Variants in MYO9A observed in about 807,000 individuals in gnomAD.
The protein encoded by MYO9A is myosin IXA.
Under a neutral mutation model 293.3 loss-of-function variants are expected in MYO9A, and 103 were observed. The ratio of observed to expected loss-of-function variants is 0.35; its 90% CI spans 0.30 to 0.41. The LOEUF is 0.41. Among genes scored for constraint, MYO9A ranks in the 10% least tolerant of loss-of-function variants. The pLI is 1.00. For synonymous variants in MYO9A, 1,001 were observed against 1,035.7 expected, an observed-to-expected ratio of 0.97 and a Z score of 0.64; for missense variants, 2,685 against 3,033.0, an observed-to-expected ratio of 0.89 and a Z score of 2.69.
intron 9 of MYO9A, 145 bp downstream of exon 9, chr15:71,999,706 C>T: frequency 1.9e-6 from 1 of 540,126 alleles, no homozygotes; most frequent in South Asian, 3.1e-5. Context: ...GGAAAATTCA[C>T]AATCAAATGT....
At chr15:72,069,170 C>G (rs149030575) in intron 1 of MYO9A, among the ~76,000 whole-genome samples, 197 of 152,216 alleles carry the variant, frequency 1.3e-3, no homozygotes, top group South Asian at 3.5e-3. Flanking sequence ...TAGCAAAGAC[C>G]AAGACTTCTA....
intron 1 of MYO9A, among the ~76,000 whole-genome samples, chr15:72,105,009 T>A (rs1283857155): frequency 6.6e-6 from 1 of 152,006 alleles, no homozygotes; most frequent in African/African-American, 2.4e-5. Context: ...AACAGTGAAA[T>A]AAAGCAGGAA....
chr15:71,934,601 CT>C lies in MYO9A; in HGVS notation c.2522+739del, dbSNP rs775166166. Among the ~76,000 whole-genome samples the C allele has an allele frequency of 7.3e-3, 1,047 of 142,836 alleles. 6 individuals are homozygous for C. The highest frequency in any genetic ancestry group is 0.011 in the Middle Eastern group (3 of 274). The allele number at this position is 142,836 out of a possible 152,430, so 93.7% of individuals were successfully genotyped here. On this transcript the variant is annotated intron_variant, in intron 17 of 41. Coordinates refer to ENST00000356056, the MANE Select transcript of MYO9A (RefSeq NM_006901.4). ...TGCTAATAACTAATAACTTTTTTTCCTTTTTTTTTTTTTCTCAGAGACAGGA... is the reference window on the plus strand; with the variant it reads ...TGCTAATAACTAATAACTTTTTTTCCTTTTTTTTTTTTCTCAGAGACAGGA...
At chr15:71,900,137 T>TA in intron 23 of MYO9A, 131 bp from the exon 24 acceptor site, 1 of 996,392 alleles carries the variant, frequency 1.0e-6, no homozygotes, top group South Asian at 1.8e-5. Flanking sequence ...TCTTGGTGAT[T>TA]AAAAATAAGT....
intron 19 of MYO9A, among the ~76,000 whole-genome samples, chr15:71,906,036 A>T (rs2057627251): frequency 6.6e-6 from 1 of 152,144 alleles, no homozygotes; most frequent in Non-Finnish European, 1.5e-5. Context: ...TGCATTGCAC[A>T]AATTTTGATA....
intron 19 of MYO9A, among the ~76,000 whole-genome samples, chr15:71,907,856 A>G (rs1228017475): frequency 2.6e-5 from 4 of 152,182 alleles, no homozygotes; most frequent in Admixed American, 2.0e-4. Flanking sequence ...CCTTTGTCAG[A>G]TGAGTAGATT....
At chr15:72,008,496 GTGTGTGTGTA>G (rs1355855547) in intron 7 of MYO9A, among the ~76,000 whole-genome samples, 5 of 150,550 alleles carry the variant, frequency 3.3e-5, no homozygotes, top group Non-Finnish European at 7.4e-5. Context: ...ATGGGTGTGT[GTGTGTGTGTA>G]TGTGTGTGTG....
intron 1 of MYO9A, among the ~76,000 whole-genome samples, chr15:72,112,159 TAAGA>T (rs2080801410): frequency 6.6e-6 from 1 of 152,110 alleles, no homozygotes; most frequent in Non-Finnish European, 1.5e-5. Context: ...TCTTACAGTT[TAAGA>T]AAAATCAAAA....
At position 71,827,051 on chromosome 15, in the gene MYO9A, A is replaced by T; in HGVS notation, c.7184-8T>A. On this transcript the variant is annotated splice_polypyrimidine_tract_variant and splice_region_variant and intron_variant, in intron 41 of 41. Transcript: ENST00000356056. ...TAAGGGCTAAGCTTCTTTCTAATGC[A>T]AAAAAGAGACCAAAGATGTAAATGA... 1 of 1,541,700 alleles carries T rather than the reference A, an allele frequency of 6.5e-7. No homozygotes were observed. The highest frequency in any genetic ancestry group is 8.7e-7 in the Non-Finnish European group (1 of 1,149,260).
intron 12 of MYO9A, among the ~76,000 whole-genome samples, chr15:71,975,121 TGCAAAC>T (rs2076104614): frequency 6.6e-6 from 1 of 152,214 alleles, no homozygotes; most frequent in African/African-American, 2.4e-5. Flanking sequence ...AAAGGAAGCC[TGCAAAC>T]TTGAGTGGTC....
intron 11 of MYO9A, among the ~76,000 whole-genome samples, chr15:71,983,578 C>T (rs2076336239): frequency 6.7e-6 from 1 of 148,950 alleles, no homozygotes; most frequent in African/African-American, 2.5e-5. Flanking sequence ...CCCTTCCCAG[C>T]TACAAGCAAT....
At chr15:71,984,572 C>T (rs973414095) in intron 11 of MYO9A, among the ~76,000 whole-genome samples, 4 of 152,134 alleles carry the variant, frequency 2.6e-5, no homozygotes, top group African/African-American at 9.7e-5. Flanking sequence ...TCCAAAATTC[C>T]TATGGCACAT....
chr15:71,940,319 AC>A (rs2146089590), intron 15 of MYO9A, among the ~76,000 whole-genome samples: 1 of 152,162 alleles, frequency 6.6e-6, no homozygotes, highest in African/African-American at 2.4e-5. Context: ...ACATGCTGAA[AC>A]CCCACCTCTA....
chr15:71,956,330 A>AAAAAAAATATATATATATATATAT (rs10642655), intron 14 of MYO9A, among the ~76,000 whole-genome samples: 2 of 75,574 alleles, frequency 2.6e-5, no homozygotes, highest in African/African-American at 1.2e-4. Flanking sequence ...AAAAAAAAAA[A>AAAAAAAATATATATATATATATAT]ATATATATAT....
Position 71,897,530 on chromosome 15 carries a change from T to C in MYO9A, c.4973A>G (p.Asp1658Gly). Residue 1658 changes from aspartate to glycine, a missense_variant, in exon 25 of 42, where the codon GAT (aspartate) becomes GGT (glycine). Asp to Gly is a moderately conservative substitution (Grantham distance 94). Coordinates refer to ENST00000356056, the MANE Select transcript of MYO9A (RefSeq NM_006901.4). Reference sequence around the variant, plus strand: ...AGCATTTCCCTCTCTGGAAAGGTCATCAGAATTGTGGCTGTAAGACTGAGT... The same window carrying C: ...AGCATTTCCCTCTCTGGAAAGGTCACCAGAATTGTGGCTGTAAGACTGAGT... ...RPTQSYSHNSDDLSREGNARP... is the reference protein window; with the variant it reads ...RPTQSYSHNSGDLSREGNARP... 1 of 1,614,138 alleles carries C rather than the reference T, an allele frequency of 6.2e-7. No individual in the cohort carries two copies. Among genetic ancestry groups the C allele is most frequent in the Non-Finnish European group, 8.5e-7 (1 of 1,179,962 alleles).
chr15:71,888,794 A>G (rs566236943), intron 26 of MYO9A, among the ~76,000 whole-genome samples: 37 of 152,184 alleles, frequency 2.4e-4, no homozygotes, highest in Non-Finnish European at 5.0e-4. Context: ...TTCTGTAGTT[A>G]TAATATTCTT....
At chr15:72,022,017 C>T (rs1052056294) in intron 4 of MYO9A, among the ~76,000 whole-genome samples, 1 of 152,106 alleles carries the variant, frequency 6.6e-6, no homozygotes, top group African/African-American at 2.4e-5. Flanking sequence ...TGTTTCCAAG[C>T]ATTTAAATAA....
chr15:71,975,428 T>TGTGTGTGTGTGTGTGTG (rs2076116955), intron 12 of MYO9A, among the ~76,000 whole-genome samples: 1 of 147,944 alleles, frequency 6.8e-6, no homozygotes, highest in African/African-American at 2.5e-5. Context: ...TGTGTGTGTG[T>TGTGTGTGTGTGTGTGTG]AGGTTTTCGT....
intron 12 of MYO9A, among the ~76,000 whole-genome samples, chr15:71,976,042 C>G (rs1170354096): frequency 6.6e-6 from 1 of 152,110 alleles, no homozygotes; most frequent in African/African-American, 2.4e-5. Flanking sequence ...CAAGGAGAAC[C>G]TGGTTGGTCA....
Sources: allele counts gnomAD v4.1 joint callset (sites outside exome capture counted in the v4.1 genomes callset), GRCh38; gene constraint gnomAD v4.1.1; transcripts MANE v1.5; gene names NCBI Gene and HGNC (gene_info 2026-07-23, HGNC 2026-07-21).